Variants in SPAG16 observed in about 807,000 individuals in gnomAD.
SPAG16 encodes sperm associated antigen 16.
A neutral mutation model predicts 80.4 loss-of-function variants in SPAG16; 86 were observed. The observed-to-expected ratio is 1.07, with a 90% CI of 0.90 to 1.28. The LOEUF (loss-of-function observed/expected upper bound fraction) is 1.28, where lower values mean the gene tolerates loss of function less well. Among genes scored for constraint, SPAG16 ranks in the 50% most tolerant of loss-of-function variants. SPAG16 has a pLI of 0.00. For missense variants in SPAG16, 870 were observed against 765.3 expected (o/e 1.14, Z -1.61); for synonymous variants, 294 against 265.9 (o/e 1.11, Z -1.03).
intron 13 of SPAG16, among the ~76,000 whole-genome samples, chr2:214,025,380 G>A (rs774147600): frequency 2.6e-5 from 4 of 151,510 alleles, no homozygotes; most frequent in Non-Finnish European, 5.9e-5. Flanking sequence ...CTTACTTGTA[G>A]CCTCTTAATT....
At chr2:214,078,022 T>A (rs1323675663) in intron 13 of SPAG16, among the ~76,000 whole-genome samples, 1 of 152,172 alleles carries the variant, frequency 6.6e-6, no homozygotes, top group East Asian at 1.9e-4. Context: ...CTTTAGCCTC[T>A]CTTTTCTGGG....
chr2:213,346,181 TTGTC>T (rs2064975290), intron 6 of SPAG16, among the ~76,000 whole-genome samples: 1 of 152,160 alleles, frequency 6.6e-6, no homozygotes, highest in East Asian at 1.9e-4. Context: ...GGCTCTCTGT[TTGTC>T]TGTTATTGGT....
intron 10 of SPAG16, among the ~76,000 whole-genome samples, chr2:213,703,353 A>AT (rs2065585944): frequency 6.6e-6 from 1 of 152,200 alleles, no homozygotes; most frequent in Admixed American, 6.5e-5. Flanking sequence ...GTTCTCACCT[A>AT]AATGTGGTCA....
chr2:214,042,251 G>A lies in SPAG16; in HGVS notation c.1527+28174G>A, dbSNP rs13428110. Among the ~76,000 whole-genome samples, 1,354 of 151,278 alleles carry A rather than the reference G, an allele frequency of 9.0e-3. 20 individuals are homozygous for A. Among genetic ancestry groups the A allele is most frequent in the African/African-American group, 0.031 (1,298 of 41,256 alleles). On this transcript the variant is annotated intron_variant, in intron 13 of 15. Transcript: ENST00000331683. ...TGGGATTACAGACGTGCATCACCAT[G>A]CCCAGCTAATTTCAGCTGGAAGTTT...
chr2:214,290,041 G>T (rs1450218262), intron 15 of SPAG16, among the ~76,000 whole-genome samples: 2 of 152,028 alleles, frequency 1.3e-5, no homozygotes, highest in Non-Finnish European at 2.9e-5. Flanking sequence ...GAATTCATCT[G>T]GTCCTGGGAT....
chr2:214,069,307 GT>G (rs2050677353), intron 13 of SPAG16, among the ~76,000 whole-genome samples: 1 of 152,140 alleles, frequency 6.6e-6, no homozygotes, highest in African/African-American at 2.4e-5. Context: ...TTGGCAGTCT[GT>G]GTTATAAACA....
intron 10 of SPAG16, among the ~76,000 whole-genome samples, chr2:213,811,269 A>T (rs1464556300): frequency 6.6e-6 from 1 of 152,180 alleles, no homozygotes; most frequent in Non-Finnish European, 1.5e-5. Flanking sequence ...ACTATAATTA[A>T]GGTACACATT....
intron 3 of SPAG16, among the ~76,000 whole-genome samples, chr2:213,306,152 TC>T (rs2062930325): frequency 6.6e-6 from 1 of 151,902 alleles, no homozygotes; most frequent in Non-Finnish European, 1.5e-5. Context: ...CCTCCAATGA[TC>T]CTTTAAAATT....
chr2:213,737,419 A>T (rs2067329894), intron 10 of SPAG16, among the ~76,000 whole-genome samples: 1 of 151,592 alleles, frequency 6.6e-6, no homozygotes, highest in Non-Finnish European at 1.5e-5. Flanking sequence ...GACATTCTCT[A>T]TGCTGTTATA....
chr2:213,711,285 C>T (rs2125360183), intron 10 of SPAG16, among the ~76,000 whole-genome samples: 1 of 151,996 alleles, frequency 6.6e-6, no homozygotes, highest in Admixed American at 6.5e-5. Context: ...ATGGTGAATA[C>T]ATGTTGATGT....
At chr2:213,909,998 C>A (rs1005597867) in intron 11 of SPAG16, among the ~76,000 whole-genome samples, 2 of 152,132 alleles carry the variant, frequency 1.3e-5, no homozygotes, top group African/African-American at 4.8e-5. Flanking sequence ...AAGTGTTTTT[C>A]TAATATAATA....
intron 10 of SPAG16, among the ~76,000 whole-genome samples, chr2:213,666,665 C>T (rs2063616456): frequency 6.6e-6 from 1 of 152,178 alleles, no homozygotes; most frequent in Admixed American, 6.6e-5. Flanking sequence ...ACAAGACCCA[C>T]TGCTATTCGT....
chr2:213,469,654 C>T (rs753967924), intron 9 of SPAG16, among the ~76,000 whole-genome samples: 25 of 149,074 alleles, frequency 1.7e-4, no homozygotes, highest in Non-Finnish European at 3.3e-4. Flanking sequence ...TGTAGTCCCA[C>T]CTGGGTTGGG....
intron 15 of SPAG16, among the ~76,000 whole-genome samples, chr2:214,228,870 T>G (rs1688480590): frequency 6.6e-6 from 1 of 151,912 alleles, no homozygotes; most frequent in Middle Eastern, 3.2e-3. Context: ...TCTTCAAAGC[T>G]CCTCAGCTAC....
In SPAG16 at chr2:213,341,956, A is replaced by G. The variant is rs539970411; in HGVS notation, c.644+1686A>G. Among the ~76,000 whole-genome samples, 4 of 152,296 alleles carry G rather than the reference A, an allele frequency of 2.6e-5. No homozygotes were observed. The South Asian group carries it at 8.3e-4, about 32-fold the overall frequency. ...ATTATGAAGTACTTATGGACTTTAT[A>G]AAATAGACACACCCTTTAAAATAGA... On this transcript the variant is annotated intron_variant, in intron 6 of 15. Transcript: ENST00000331683.
At chr2:213,410,350 T>A (rs2068894564) in intron 9 of SPAG16, among the ~76,000 whole-genome samples, 1 of 152,272 alleles carries the variant, frequency 6.6e-6, no homozygotes. Flanking sequence ...AAGACAGTTT[T>A]CTATTTCAGA....
Position 214,131,619 on chromosome 2 carries a change from C to T in SPAG16, c.1594-17521C>T, listed in dbSNP as rs1025118221. 7.7e-5 allele frequency among the ~76,000 whole-genome samples: 9 copies of T among 116,130 alleles called. No individual in the cohort carries two copies. In the Admixed American group the frequency reaches 8.0e-4, roughly 10 times the overall value. The allele number at this position is 116,130 out of a possible 152,430, so 76.2% of individuals were successfully genotyped here. A position where few individuals can be genotyped will look rare whatever the true frequency, so the allele number is the denominator to read the frequency against. ...TACATCCAGACAATGGAATGTTACT[C>T]GGGACTTAAAAAAAAAATGAACTAT... is the stretch of plus-strand genomic sequence containing the variant. On this transcript the variant is annotated intron_variant, in intron 14 of 15. Transcript: ENST00000331683.
intron 10 of SPAG16, among the ~76,000 whole-genome samples, chr2:213,617,087 G>C (rs1312517485): frequency 6.6e-6 from 1 of 152,138 alleles, no homozygotes; most frequent in Non-Finnish European, 1.5e-5. Context: ...ATAGGGAAAA[G>C]ATAAGTCCAA....
chr2:213,631,977 G>A (rs1247404083), intron 10 of SPAG16, among the ~76,000 whole-genome samples: 2 of 152,034 alleles, frequency 1.3e-5, no homozygotes, highest in African/African-American at 4.8e-5. Flanking sequence ...GTCTTTTATG[G>A]TGCCATATAA....
Sources: allele counts gnomAD v4.1 joint callset (sites outside exome capture counted in the v4.1 genomes callset), GRCh38; gene constraint gnomAD v4.1.1; transcripts MANE v1.5; gene names NCBI Gene and HGNC (gene_info 2026-07-23, HGNC 2026-07-21).